Variants in LRBA observed in about 807,000 individuals in gnomAD.
The protein encoded by LRBA is lipopolysaccharide-responsive and beige-like anchor protein.
In LRBA, 176 loss-of-function variants were observed where a neutral mutation model predicts 330.0. The observed-to-expected ratio is 0.53, with a 90% CI of 0.47 to 0.60. The LOEUF is 0.60. Ranked by LOEUF, LRBA falls within the 20% of genes least tolerant of loss-of-function variation. LRBA has a pLI of 0.00. For synonymous variants in LRBA, 1,230 were observed against 1,193.0 expected, an observed-to-expected ratio of 1.03 and a Z score of -0.64; for missense variants, 3,259 against 3,444.8, an observed-to-expected ratio of 0.95 and a Z score of 1.35.
intron 37 of LRBA, among the ~76,000 whole-genome samples, chr4:150,657,778 G>A (rs1424770630): frequency 1.3e-5 from 2 of 152,146 alleles, no homozygotes; most frequent in Non-Finnish European, 2.9e-5. Context: ...TGTTTACTAT[G>A]TGCCTGACAC....
At chr4:150,429,253 G>C (rs144692257) in intron 46 of LRBA, among the ~76,000 whole-genome samples, 6 of 151,914 alleles carry the variant, frequency 3.9e-5, no homozygotes, top group Non-Finnish European at 5.9e-5. Context: ...AACCTGAAAG[G>C]CATGAAGAAT....
At chr4:150,843,958 T>C in intron 28 of LRBA, 142 bp downstream of exon 28, 1 of 534,132 alleles carries the variant, frequency 1.9e-6, no homozygotes, top group Non-Finnish European at 3.4e-6. Flanking sequence ...TCTAAAATCA[T>C]TGTCAAAAGA....
At chr4:150,844,076 T>C (rs778801695) in intron 28 of LRBA, 24 bp downstream of exon 28, 14 of 1,381,522 alleles carry the variant, frequency 1.0e-5, no homozygotes, top group Non-Finnish European at 1.4e-5. Context: ...TAAGAGAGTA[T>C]GTGAAAGACA....
chr4:151,008,988 A>AAAAAT (rs1554018903), intron 2 of LRBA, among the ~76,000 whole-genome samples: 1 of 5,524 alleles, frequency 1.8e-4, no homozygotes, highest in African/African-American at 4.7e-4. Context: ...AAAAAAAAAA[A>AAAAAT]ATATATATAT....
intron 2 of LRBA, among the ~76,000 whole-genome samples, chr4:150,983,454 T>A (rs1303031513): frequency 6.8e-6 from 1 of 146,330 alleles, no homozygotes; most frequent in Non-Finnish European, 1.5e-5. Flanking sequence ...GCACTCTTTT[T>A]TTTTTTTTTT....
chr4:150,944,763 T>C (rs1261994191), intron 2 of LRBA, among the ~76,000 whole-genome samples: 1 of 152,224 alleles, frequency 6.6e-6, no homozygotes, highest in Admixed American at 6.5e-5. Context: ...ACTGGTGATA[T>C]GGTTTGTCTG....
At chr4:150,538,279 T>C (rs1388375511) in intron 40 of LRBA, among the ~76,000 whole-genome samples, 1 of 152,264 alleles carries the variant, frequency 6.6e-6, no homozygotes, top group African/African-American at 2.4e-5. Context: ...AGCAATCCCA[T>C]TGCTGGATAT....
At chr4:151,007,729 C>T (rs555619807) in intron 2 of LRBA, among the ~76,000 whole-genome samples, 1 of 151,018 alleles carries the variant, frequency 6.6e-6, no homozygotes, top group African/African-American at 2.4e-5. Flanking sequence ...TGGTGGCGGG[C>T]GCCTGTAGTC....
chr4:150,541,744 T>C (rs1391605435), intron 40 of LRBA, among the ~76,000 whole-genome samples: 2 of 152,172 alleles, frequency 1.3e-5, no homozygotes, highest in Non-Finnish European at 2.9e-5. Context: ...GTGCAGTGGA[T>C]GCTTCCTTGA....
At chr4:150,342,615 T>C (rs912698553) in intron 48 of LRBA, among the ~76,000 whole-genome samples, 1 of 152,222 alleles carries the variant, frequency 6.6e-6, no homozygotes, top group African/African-American at 2.4e-5. Flanking sequence ...CCTCCTCTTA[T>C]GGTTATTATT....
At chr4:150,460,606 A>G (rs189632119) in intron 44 of LRBA, among the ~76,000 whole-genome samples, 82 of 151,888 alleles carry the variant, frequency 5.4e-4, no homozygotes, top group African/African-American at 1.7e-3. Context: ...AAAATTTAAA[A>G]TTCAGTTTTA....
intron 40 of LRBA, among the ~76,000 whole-genome samples, chr4:150,534,156 T>C (rs1764363444): frequency 6.6e-6 from 1 of 151,706 alleles, no homozygotes; most frequent in African/African-American, 2.4e-5. Context: ...AATATACACA[T>C]AGATAATATA....
At chr4:150,987,883 T>C (rs1299277001) in intron 2 of LRBA, among the ~76,000 whole-genome samples, 1 of 151,290 alleles carries the variant, frequency 6.6e-6, no homozygotes, top group Non-Finnish European at 1.5e-5. Context: ...GCGGCTGTAA[T>C]ACCAGCTACC....
chr4:150,771,724 G>T (rs754669474), intron 34 of LRBA, among the ~76,000 whole-genome samples: 2 of 152,176 alleles, frequency 1.3e-5, no homozygotes, highest in Non-Finnish European at 1.5e-5. Flanking sequence ...TTGACACTCA[G>T]CAGTGGCCAC....
At chr4:150,586,750 T>C (rs1455608591) in intron 40 of LRBA, among the ~76,000 whole-genome samples, 1 of 152,182 alleles carries the variant, frequency 6.6e-6, no homozygotes, top group Non-Finnish European at 1.5e-5. Context: ...AGATTCTAAT[T>C]TTCAGAACAA....
At chr4:150,924,306 G>T (rs1733640992) in intron 4 of LRBA, among the ~76,000 whole-genome samples, 1 of 152,102 alleles carries the variant, frequency 6.6e-6, no homozygotes, top group Admixed American at 6.6e-5. Context: ...GAGCCTAGGG[G>T]TTTGAGACCA....
chr4:150,806,321 G>A lies in LRBA; in HGVS notation c.5468C>T (p.Ser1823Phe). 2 of 1,608,810 alleles carry A rather than the reference G, an allele frequency of 1.2e-6. No individual in the cohort carries two copies. The highest frequency in any genetic ancestry group is 1.7e-6 in the Non-Finnish European group (2 of 1,177,582). The change falls in exon 33 of 57, where the codon TCT (serine) becomes TTT (phenylalanine). Residue 1823 changes from serine (S) to phenylalanine (F), a missense_variant. Transcript: ENST00000651943. ...EIFVDFAPFL[S>F]RTLLGSHGQE... The stretch of plus-strand genomic sequence containing the variant: ...TCCATGGCTACCCAAAAGTGTCCGA[G>A]AAAGAAAAGGTGCAAAATCCACAAA...
At chr4:150,755,101 T>C (rs1235757823) in intron 35 of LRBA, among the ~76,000 whole-genome samples, 1 of 152,188 alleles carries the variant, frequency 6.6e-6, no homozygotes, top group Non-Finnish European at 1.5e-5. Context: ...TTCTAGTCAT[T>C]CTTCTTCTCA....
At chr4:150,593,806 C>T (rs542553744) in intron 38 of LRBA, among the ~76,000 whole-genome samples, 1 of 151,910 alleles carries the variant, frequency 6.6e-6, no homozygotes, top group Non-Finnish European at 1.5e-5. Context: ...AAAGAAGAAA[C>T]CTCTTTAATC....
Sources: allele counts gnomAD v4.1 joint callset (sites outside exome capture counted in the v4.1 genomes callset), GRCh38; gene constraint gnomAD v4.1.1; transcripts MANE v1.5; gene names NCBI Gene and HGNC (gene_info 2026-07-23, HGNC 2026-07-21).